Variants in LSAMP observed in about 807,000 individuals in gnomAD.
LSAMP encodes the protein limbic system associated membrane protein.
A neutral mutation model predicts 38.6 loss-of-function variants in LSAMP; 7 were observed. That is an observed-to-expected ratio of 0.18 (90% CI 0.10 to 0.34). The LOEUF is 0.34. LSAMP is among the 10% of genes least tolerant of loss of function. The pLI is 1.00. For missense variants in LSAMP, 313 were observed against 420.0 expected, an observed-to-expected ratio of 0.75 and a Z score of 2.23; for synonymous variants, 154 against 166.8, an observed-to-expected ratio of 0.92 and a Z score of 0.59.
intron 1 of LSAMP, among the ~76,000 whole-genome samples, chr3:116,356,181 A>T (rs888822406): frequency 2.0e-5 from 3 of 152,234 alleles, no homozygotes; most frequent in African/African-American, 7.2e-5. Context: ...AAGCAATCTA[A>T]GTGTCCATCA....
rs540711427 is a variant in LSAMP at position 116,229,303 on chromosome 3, T to G, written c.156-142747A>C. 3.3e-5 allele frequency among the ~76,000 whole-genome samples: 5 copies of G among 152,228 alleles called. No homozygotes were observed. In the South Asian group the frequency reaches 6.2e-4, roughly 19 times the overall value. ...GAAGTCATAATATATTCTCAGAGTC[T>G]AAGTAAAATCTAAACCATGAAGCTA... On this transcript the variant is annotated intron_variant, in intron 1 of 6. Coordinates refer to ENST00000490035, the MANE Select transcript of LSAMP (RefSeq NM_002338.5).
At chr3:116,019,400 C>G (rs1429091728) in intron 3 of LSAMP, 115 bp downstream of exon 3, 12 of 1,312,746 alleles carry the variant, frequency 9.1e-6, no homozygotes, top group Non-Finnish European at 1.3e-5. Context: ...TCTGATTCAA[C>G]AGAATTTCAA....
At chr3:116,136,831 A>G (rs1257473344) in intron 1 of LSAMP, among the ~76,000 whole-genome samples, 3 of 152,148 alleles carry the variant, frequency 2.0e-5, no homozygotes, top group African/African-American at 7.2e-5. Flanking sequence ...TCATAATGTC[A>G]AAGTCACTCA....
At chr3:116,399,010 T>C (rs1046961077) in intron 1 of LSAMP, among the ~76,000 whole-genome samples, 1 of 152,078 alleles carries the variant, frequency 6.6e-6, no homozygotes, top group African/African-American at 2.4e-5. Context: ...GGAAGAACTG[T>C]GAAAGAGAAA....
At chr3:116,301,217 C>T (rs920864079) in intron 1 of LSAMP, among the ~76,000 whole-genome samples, 10 of 152,110 alleles carry the variant, frequency 6.6e-5, no homozygotes, top group Admixed American at 2.0e-4. Context: ...AAGCTACACC[C>T]GTATGTCTCA....
At chr3:115,938,324 A>G (rs1937781504) in intron 3 of LSAMP, among the ~76,000 whole-genome samples, 1 of 152,206 alleles carries the variant, frequency 6.6e-6, no homozygotes, top group African/African-American at 2.4e-5. Context: ...CATTGAAATA[A>G]TGAAATGTTT....
intron 1 of LSAMP, among the ~76,000 whole-genome samples, chr3:116,348,768 G>T (rs1422669193): frequency 1.3e-5 from 2 of 152,014 alleles, no homozygotes; most frequent in Admixed American, 1.3e-4. Flanking sequence ...AAAATGAGAT[G>T]ATAATATCAA....
chr3:116,063,855 C>A (rs116730428), intron 2 of LSAMP, among the ~76,000 whole-genome samples: 1 of 152,172 alleles, frequency 6.6e-6, no homozygotes. Flanking sequence ...GGAACCCTAT[C>A]AAATCTATTA....
At chr3:115,955,740 T>G (rs1938433976) in intron 3 of LSAMP, among the ~76,000 whole-genome samples, 1 of 152,158 alleles carries the variant, frequency 6.6e-6, no homozygotes, top group Non-Finnish European at 1.5e-5. Context: ...ACCTCTCTAG[T>G]TGCTATTCTT....
At chr3:116,404,506 G>A (rs2048877403) in intron 1 of LSAMP, among the ~76,000 whole-genome samples, 1 of 152,020 alleles carries the variant, frequency 6.6e-6, no homozygotes, top group African/African-American at 2.4e-5. Context: ...GATTAATGAT[G>A]GATGGTGAAT....
intron 3 of LSAMP, among the ~76,000 whole-genome samples, chr3:115,909,899 C>T (rs552969622): frequency 1.3e-5 from 2 of 152,266 alleles, no homozygotes; most frequent in South Asian, 4.2e-4. Flanking sequence ...CTGTGTTTCA[C>T]TCTTCTAAAA....
At chr3:115,872,751 C>G (rs1439305819) in intron 3 of LSAMP, among the ~76,000 whole-genome samples, 3 of 152,066 alleles carry the variant, frequency 2.0e-5, no homozygotes, top group Admixed American at 6.6e-5. Flanking sequence ...AATATTTAAT[C>G]CCTGAACAAA....
chr3:115,811,807 C>T (rs967429641), intron 6 of LSAMP, among the ~76,000 whole-genome samples: 1 of 152,196 alleles, frequency 6.6e-6, no homozygotes, highest in Non-Finnish European at 1.5e-5. Flanking sequence ...TTTGTCACAA[C>T]TGCCTTATAA....
At chr3:115,974,528 G>A (rs973048263) in intron 3 of LSAMP, among the ~76,000 whole-genome samples, 1 of 151,532 alleles carries the variant, frequency 6.6e-6, no homozygotes, top group Non-Finnish European at 1.5e-5. Context: ...TTTCCAAATA[G>A]GTTCTCAGGA....
At chr3:116,122,391 T>C (rs1034217320) in intron 1 of LSAMP, among the ~76,000 whole-genome samples, 1 of 152,244 alleles carries the variant, frequency 6.6e-6, no homozygotes, top group African/African-American at 2.4e-5. Context: ...TTTACACAGC[T>C]GGTTCCCTTT....
At chr3:116,005,389 C>T (rs1940126846) in intron 3 of LSAMP, among the ~76,000 whole-genome samples, 1 of 152,118 alleles carries the variant, frequency 6.6e-6, no homozygotes, top group Admixed American at 6.6e-5. Context: ...ATGGTAGCAG[C>T]CCTTTATCCC....
At chr3:115,985,492 C>T (rs1939484438) in intron 3 of LSAMP, among the ~76,000 whole-genome samples, 2 of 152,282 alleles carry the variant, frequency 1.3e-5, no homozygotes, top group African/African-American at 2.4e-5. Context: ...AAAACAGCCT[C>T]AAAGATAATC....
chr3:116,324,092 C>T (rs2047740174), intron 1 of LSAMP, among the ~76,000 whole-genome samples: 1 of 152,030 alleles, frequency 6.6e-6, no homozygotes, highest in Non-Finnish European at 1.5e-5. Flanking sequence ...TGGGTAAGTG[C>T]TTTGGTATTG....
chr3:116,407,217 T>A (rs2048908704), intron 1 of LSAMP, among the ~76,000 whole-genome samples: 1 of 152,028 alleles, frequency 6.6e-6, no homozygotes, highest in Non-Finnish European at 1.5e-5. Flanking sequence ...CTATACCCTA[T>A]AATATATATA....
Sources: allele counts gnomAD v4.1 joint callset (sites outside exome capture counted in the v4.1 genomes callset), GRCh38; gene constraint gnomAD v4.1.1; transcripts MANE v1.5; gene names NCBI Gene and HGNC (gene_info 2026-07-23, HGNC 2026-07-21).